The following CMIP variants were observed in gnomAD, a reference collection of about 807,000 sequenced individuals.
The protein encoded by CMIP is c-Maf inducing protein, also known as C-Maf-inducing protein.
A neutral mutation model predicts 97.3 loss-of-function variants in CMIP; 13 were observed. The observed-to-expected ratio is 0.13, with a 90% CI of 0.09 to 0.21. The LOEUF (loss-of-function observed/expected upper bound fraction) is 0.21. Among genes scored for constraint, CMIP ranks in the 10% least tolerant of loss-of-function variants. The pLI is 1.00. For missense variants in CMIP, 847 were observed against 1,024.9 expected, an observed-to-expected ratio of 0.83 and a Z score of 2.37; for synonymous variants, 538 against 436.3, an observed-to-expected ratio of 1.23 and a Z score of -2.91.
intron 1 of CMIP, among the ~76,000 whole-genome samples, chr16:81,581,848 C>T (rs2091301324): frequency 6.6e-6 from 1 of 152,198 alleles, no homozygotes; most frequent in Non-Finnish European, 1.5e-5. Flanking sequence ...TCTTTTCCTT[C>T]TCTGCAGAGG....
At chr16:81,526,413 G>A (rs2090134647) in intron 1 of CMIP, among the ~76,000 whole-genome samples, 1 of 152,206 alleles carries the variant, frequency 6.6e-6, no homozygotes, top group Admixed American at 6.5e-5. Flanking sequence ...AATAGAAATC[G>A]CGGGTGTTTG....
intron 6 of CMIP, among the ~76,000 whole-genome samples, chr16:81,662,304 C>T (rs2092556013): frequency 2.0e-5 from 3 of 152,210 alleles, no homozygotes; most frequent in Admixed American, 2.0e-4. Context: ...GAACAAGATA[C>T]ACTTGCCTCA....
In CMIP at chr16:81,670,211, G is replaced by T; in HGVS notation, c.895G>T (p.Ala299Ser). 6.2e-7 allele frequency: 1 copy of T among 1,611,600 alleles called. No homozygotes were observed. The highest frequency in any genetic ancestry group is 8.5e-7 in the Non-Finnish European group (1 of 1,179,016). The change falls in exon 8 of 21, where the codon GCG becomes TCG. Residue 299 changes from alanine to serine, a missense_variant. Ala to Ser is a moderately conservative substitution (Grantham distance 99, BLOSUM62 1). Coordinates refer to ENST00000537098, the MANE Select transcript of CMIP (RefSeq NM_198390.3). ...CATCCTTGCCTTGAACGAGCTCAAC[G>T]CGGGGATGGAAGTGGTGAAGAAGTT... ...EYILALNELN[A>S]GMEVVKKFIQ...
chr16:81,555,619 A>G (rs554572421), intron 1 of CMIP, among the ~76,000 whole-genome samples: 11 of 152,226 alleles, frequency 7.2e-5, no homozygotes, highest in African/African-American at 2.4e-4. Context: ...AGATGACCCC[A>G]TTTCCCTAGG....
chr16:81,710,022 G>A lies in CMIP; in HGVS notation c.*223G>A, dbSNP rs1330063907. 7 of 299,864 alleles carry A rather than the reference G, an allele frequency of 2.3e-5. No individual in the cohort carries two copies. The highest frequency in any genetic ancestry group is 1.9e-5 in the Non-Finnish European group (3 of 158,822). The allele number at this position is 299,864 out of a possible 1,614,324, so 18.6% of individuals were successfully genotyped here. On this transcript the variant is annotated 3_prime_UTR_variant, in exon 21 of 21. Transcript: ENST00000537098. ...GCTTCGTAATTGGAACCTTTGACCT[G>A]ATCTAAAGTGGACTTTGTAGCAACA...
In CMIP at chr16:81,662,995, G is replaced by A. The variant is rs185318272; in HGVS notation, c.745-1274G>A. Among the ~76,000 whole-genome samples the A allele has an allele frequency of 9.6e-4, 146 of 152,046 alleles. 1 individual carries two copies. Among genetic ancestry groups the A allele is most frequent in the Non-Finnish European group, 1.9e-3 (126 of 68,012 alleles). On this transcript the variant is annotated intron_variant, in intron 6 of 20. Coordinates refer to ENST00000537098, the MANE Select transcript of CMIP (RefSeq NM_198390.3). ...TCATTATATATTAAATAAGGACCCT[G>A]TCAGAACGCCTATGTGTACCATCTG... is the stretch of plus-strand genomic sequence containing the variant.
intron 6 of CMIP, among the ~76,000 whole-genome samples, chr16:81,663,241 G>T (rs2092566944): frequency 6.6e-6 from 1 of 151,970 alleles, no homozygotes; most frequent in Non-Finnish European, 1.5e-5. Context: ...CACCCAAAAT[G>T]CCTTCCAGTG....
intron 3 of CMIP, among the ~76,000 whole-genome samples, chr16:81,648,345 C>T (rs1324599488): frequency 6.6e-6 from 1 of 151,980 alleles, no homozygotes; most frequent in African/African-American, 2.4e-5. Flanking sequence ...CACCAACAAT[C>T]CTCTGGCAGA....
At chr16:81,664,184 G>A in intron 6 of CMIP, 85 bp from the exon 7 acceptor site, 2 of 1,334,410 alleles carry the variant, frequency 1.5e-6, no homozygotes, top group Non-Finnish European at 2.0e-6. Flanking sequence ...CAGCTGGGCT[G>A]ACTGTCCCCA....
At chr16:81,691,102 C>T (rs1906009902) in intron 10 of CMIP, among the ~76,000 whole-genome samples, 1 of 152,180 alleles carries the variant, frequency 6.6e-6, no homozygotes, top group Non-Finnish European at 1.5e-5. Flanking sequence ...CCAGCCTAAG[C>T]CCCCTACATT....
In CMIP at chr16:81,578,794, C is replaced by T. The variant is rs756529779; in HGVS notation, c.301-28773C>T. On this transcript the variant is annotated intron_variant, in intron 1 of 20. Transcript: ENST00000537098. ...ACCTGCTCCCTTCCTGCACTGGCGT[C>T]GGAAAAGTTCCATGGCAGATAAGCC... 6.6e-5 allele frequency among the ~76,000 whole-genome samples: 10 copies of T among 152,204 alleles called. No homozygotes were observed. In the South Asian group the frequency reaches 1.7e-3, roughly 25 times the overall value.
At chr16:81,629,357 TA>T (rs2092122023) in intron 3 of CMIP, among the ~76,000 whole-genome samples, 1 of 151,996 alleles carries the variant, frequency 6.6e-6, no homozygotes, top group Non-Finnish European at 1.5e-5. Flanking sequence ...CCCCTGACTT[TA>T]AACTTGAGGT....
chr16:81,691,545 C>T (rs184654922), intron 10 of CMIP: 7 of 583,700 alleles, frequency 1.2e-5, no homozygotes, highest in East Asian at 2.9e-5. Flanking sequence ...AGACAGCTCA[C>T]CCCCTCGGGT....
At chr16:81,491,481 C>T (rs544705432) in intron 1 of CMIP, among the ~76,000 whole-genome samples, 10 of 152,256 alleles carry the variant, frequency 6.6e-5, no homozygotes, top group Middle Eastern at 3.4e-3. Context: ...GCCCTGGACA[C>T]GAGAATTCTG....
intron 1 of CMIP, chr16:81,476,012 T>G: frequency 1.7e-6 from 1 of 598,406 alleles, no homozygotes. Context: ...AGATAAAACA[T>G]AAGTCAAACT....
intron 13 of CMIP, among the ~76,000 whole-genome samples, chr16:81,694,288 C>G (rs575411429): frequency 6.6e-6 from 1 of 152,178 alleles, no homozygotes; most frequent in Admixed American, 6.5e-5. Flanking sequence ...GGTGTGGTAG[C>G]GCCCTAACTC....
chr16:81,646,847 A>G (rs1310237181), intron 3 of CMIP, among the ~76,000 whole-genome samples: 1 of 152,200 alleles, frequency 6.6e-6, no homozygotes, highest in African/African-American at 2.4e-5. Context: ...TTGAATGGCT[A>G]TACCACATCT....
chr16:81,701,201 A>G (rs73602420), intron 15 of CMIP, among the ~76,000 whole-genome samples: 2,691 of 152,144 alleles, frequency 0.018, 92 homozygotes, highest in African/African-American at 0.061. Flanking sequence ...GAAGAGCCAC[A>G]TGTGCAGTCA....
At chr16:81,499,805 G>A (rs1039559440) in intron 1 of CMIP, among the ~76,000 whole-genome samples, 4 of 152,224 alleles carry the variant, frequency 2.6e-5, no homozygotes, top group Non-Finnish European at 4.4e-5. Flanking sequence ...GGCAGCTCCG[G>A]TCCTGCCCAG....
Sources: gnomAD v4.1 joint callset for allele counts (sites outside exome capture counted in the v4.1 genomes callset) on GRCh38, gnomAD v4.1.1 for gene constraint, MANE v1.5 for transcripts, NCBI Gene and HGNC (gene_info 2026-07-23, HGNC 2026-07-21) for gene names.